LEF1: variants seen among roughly 807,000 people sequenced by gnomAD.
LEF1 encodes the protein lymphoid enhancer-binding factor 1.
LEF1 carries 14 observed loss-of-function variants against 51.2 expected under a neutral mutation model. That is an observed-to-expected ratio of 0.27 (90% confidence interval 0.18 to 0.43). The LOEUF (loss-of-function observed/expected upper bound fraction) is 0.43. Ranked by LOEUF, LEF1 falls within the 20% of genes least tolerant of loss-of-function variation. The probability of loss-of-function intolerance (pLI) is 1.00; values close to 1 mark genes in which losing one functional copy is unlikely to be tolerated. For missense variants in LEF1, 386 were observed against 512.0 expected, an observed-to-expected ratio of 0.75 and a Z score of 2.37; for synonymous variants, 185 against 183.2, an observed-to-expected ratio of 1.01 and a Z score of -0.08.
At chr4:108,113,862 C>T (rs749587813) in intron 3 of LEF1, among the ~76,000 whole-genome samples, 22 of 152,214 alleles carry the variant, frequency 1.4e-4, no homozygotes, top group African/African-American at 3.6e-4. Flanking sequence ...AAAGAAAAGA[C>T]GGATCCAATT....
chr4:108,064,228 T>C (rs1397748088), intron 10 of LEF1, 108 bp downstream of exon 10: 6 of 689,906 alleles, frequency 8.7e-6, no homozygotes, highest in Admixed American at 2.6e-5. Flanking sequence ...AGTTAAAGCA[T>C]CATAAGTTAC....
intron 8 of LEF1, among the ~76,000 whole-genome samples, chr4:108,076,171 C>T (rs1051281731): frequency 6.6e-6 from 1 of 152,166 alleles, no homozygotes; most frequent in African/African-American, 2.4e-5. Context: ...CCTGCCCAAG[C>T]CCCTACTGTT....
intron 3 of LEF1, among the ~76,000 whole-genome samples, chr4:108,102,220 C>A (rs568351714): frequency 6.6e-6 from 1 of 152,094 alleles, no homozygotes; most frequent in African/African-American, 2.4e-5. Flanking sequence ...TGAAGAACAT[C>A]AATAAAGCTT....
At chr4:108,163,242 TAAA>T (rs1321122299) in intron 3 of LEF1, among the ~76,000 whole-genome samples, 1 of 152,198 alleles carries the variant, frequency 6.6e-6, no homozygotes, top group African/African-American at 2.4e-5. Context: ...GCTGAAAAAG[TAAA>T]TCAATTTTTT....
At chr4:108,129,375 A>G (rs1468994065) in intron 3 of LEF1, among the ~76,000 whole-genome samples, 1 of 152,230 alleles carries the variant, frequency 6.6e-6, no homozygotes, top group Non-Finnish European at 1.5e-5. Context: ...GAGCACTGGA[A>G]TTCCAAAGCA....
At chr4:108,094,926 T>G (rs1560785684) in intron 3 of LEF1, among the ~76,000 whole-genome samples, 2 of 152,204 alleles carry the variant, frequency 1.3e-5, no homozygotes, top group Non-Finnish European at 2.9e-5. Context: ...TTTCTGAGAA[T>G]CTGAGCTTCT....
At chr4:108,166,144 A>T (rs2110429241) in intron 1 of LEF1, 1 of 871,582 alleles carries the variant, frequency 1.1e-6, no homozygotes, top group Non-Finnish European at 1.6e-6. Flanking sequence ...CAGTAGTCAC[A>T]AATCTTTTAC....
intron 3 of LEF1, among the ~76,000 whole-genome samples, chr4:108,120,468 G>T (rs1447939934): frequency 6.6e-6 from 1 of 152,138 alleles, no homozygotes; most frequent in East Asian, 1.9e-4. Flanking sequence ...TAACTGGAAA[G>T]GAAAGAATTA....
At chr4:108,089,399 G>A in intron 3 of LEF1, 142 bp from the exon 4 acceptor site, 4 of 790,842 alleles carry the variant, frequency 5.1e-6, no homozygotes, top group Non-Finnish European at 7.7e-6. Flanking sequence ...AGGTGGAAAT[G>A]TCTCTTTTAG....
chr4:108,125,677 A>G (rs931706007), intron 3 of LEF1, among the ~76,000 whole-genome samples: 1 of 152,062 alleles, frequency 6.6e-6, no homozygotes, highest in African/African-American at 2.4e-5. Flanking sequence ...TTTAAGTTCT[A>G]GAAAAATCAC....
chr4:108,152,258 A>T (rs1048608212), intron 3 of LEF1, among the ~76,000 whole-genome samples: 1 of 152,234 alleles, frequency 6.6e-6, no homozygotes, highest in Non-Finnish European at 1.5e-5. Flanking sequence ...AAGCTATAAG[A>T]ATCCAAAGAC....
Position 108,168,086 on chromosome 4 carries a change from G to A in LEF1, c.-319C>T, listed in dbSNP as rs1745531838. On this transcript the variant is annotated 5_prime_UTR_variant, in exon 1 of 12. Coordinates refer to ENST00000265165, the MANE Select transcript of LEF1 (RefSeq NM_016269.5). This position sits in a 1 kb window ranked among gnomAD's most constrained non-coding sequence, Gnocchi z 4.6. ...CTCCGGGGGCGTCTGCGCGGCGCGC[G>A]CTAGACGAGGCTGCCCCGGCGGCCA... 6.5e-6 allele frequency: 1 copy of A among 154,206 alleles called. No individual in the cohort carries two copies. Among genetic ancestry groups the A allele is most frequent in the Non-Finnish European group, 1.4e-5 (1 of 69,456 alleles). 9.6% of individuals were successfully genotyped at this position (154,206 alleles called of 1,614,324 possible).
intron 3 of LEF1, among the ~76,000 whole-genome samples, chr4:108,127,750 C>T (rs1215363643): frequency 1.3e-5 from 2 of 152,076 alleles, no homozygotes; most frequent in African/African-American, 4.8e-5. Flanking sequence ...GTCAAGAGAA[C>T]TTAGAGATGC....
intron 3 of LEF1, among the ~76,000 whole-genome samples, chr4:108,155,992 AG>A (rs201428655): frequency 0.01 from 1,569 of 152,344 alleles, 31 homozygotes; most frequent in African/African-American, 0.035. Flanking sequence ...ACTTTTTAAT[AG>A]CTGAAAATAC....
At chr4:108,077,898 G>C (rs1192556956) in intron 8 of LEF1, among the ~76,000 whole-genome samples, 1 of 152,174 alleles carries the variant, frequency 6.6e-6, no homozygotes, top group African/African-American at 2.4e-5. Context: ...AAATTAGCCA[G>C]GCATGGTGGC....
intron 11 of LEF1, among the ~76,000 whole-genome samples, chr4:108,052,499 T>C (rs555453552): frequency 1.3e-5 from 2 of 152,194 alleles, no homozygotes; most frequent in Non-Finnish European, 2.9e-5. Context: ...ACACACCTCA[T>C]GCCAATTGTC....
At chr4:108,116,009 A>G (rs1741818238) in intron 3 of LEF1, among the ~76,000 whole-genome samples, 1 of 152,160 alleles carries the variant, frequency 6.6e-6, no homozygotes, top group African/African-American at 2.4e-5. Context: ...GTCCCTGACA[A>G]TGACAGAAGG....
intron 11 of LEF1, among the ~76,000 whole-genome samples, chr4:108,049,209 C>A (rs1466982445): frequency 1.3e-5 from 2 of 152,258 alleles, no homozygotes; most frequent in South Asian, 2.1e-4. Context: ...CAACGCACTG[C>A]CAACTCCCGT....
chr4:108,125,552 G>A (rs1335983885), intron 3 of LEF1, among the ~76,000 whole-genome samples: 5 of 151,970 alleles, frequency 3.3e-5, no homozygotes, highest in African/African-American at 9.7e-5. Context: ...ACTATTACAG[G>A]TAAAATATCT....
Sources: allele counts gnomAD v4.1 joint callset (sites outside exome capture counted in the v4.1 genomes callset), GRCh38; gene constraint gnomAD v4.1.1; non-coding constraint Gnocchi (gnomAD v3.1); transcripts MANE v1.5; gene names NCBI Gene and HGNC (gene_info 2026-07-23, HGNC 2026-07-21).